The following GPHN variants were observed in gnomAD, a reference collection of about 807,000 sequenced individuals.
GPHN encodes gephyrin.
GPHN carries 17 observed loss-of-function variants against 95.5 expected under a neutral mutation model. That is an observed-to-expected ratio of 0.18 (90% CI 0.12 to 0.27). The LOEUF (loss-of-function observed/expected upper bound fraction) is 0.27, where lower values mean the gene tolerates loss of function less well. Among genes scored for constraint, GPHN ranks in the 10% least tolerant of loss-of-function variants. GPHN has a pLI of 1.00. For missense variants in GPHN, 660 were observed against 978.1 expected (o/e 0.67, Z 4.34); for synonymous variants, 320 against 322.5 (o/e 0.99, Z 0.08).
At chr14:67,699,589 CAA>C in the GPHN span, among the ~76,000 whole-genome samples, 44 of 50,808 alleles carry the variant, frequency 8.7e-4, no homozygotes, top group Middle Eastern at 0.011. Context: ...GACCCTATCT[CAA>C]AAAAAAAAAA....
intron 1 of GPHN, among the ~76,000 whole-genome samples, chr14:66,541,246 C>T (rs1310976478): frequency 1.3e-5 from 2 of 152,184 alleles, no homozygotes; most frequent in South Asian, 4.1e-4. Flanking sequence ...CTGCACCCAG[C>T]CTGAAATATC....
At chr14:67,448,313 T>C in the GPHN span, among the ~76,000 whole-genome samples, 18 of 151,914 alleles carry the variant, frequency 1.2e-4, 1 homozygote, top group Admixed American at 9.2e-4. Context: ...TAATTTTTTT[T>C]GTATTTTTAG....
intron 11 of GPHN, among the ~76,000 whole-genome samples, chr14:67,087,988 G>A (rs2076978919): frequency 6.6e-6 from 1 of 151,744 alleles, no homozygotes; most frequent in Non-Finnish European, 1.5e-5. Context: ...ATTCTTATTG[G>A]CACTAGTTCA....
chr14:67,198,929 A>G, the GPHN span: 2 of 699,876 alleles, frequency 2.9e-6, no homozygotes, highest in South Asian at 1.5e-5. Context: ...AAAGTCTAAC[A>G]CTAAACACTG....
At chr14:67,546,250 A>G in the GPHN span, among the ~76,000 whole-genome samples, 1 of 152,246 alleles carries the variant, frequency 6.6e-6, no homozygotes, top group Admixed American at 6.5e-5. Context: ...TATATCTGTC[A>G]TGGTCCATTT....
chr14:67,060,248 C>A (rs2075772188), intron 11 of GPHN, among the ~76,000 whole-genome samples: 1 of 150,658 alleles, frequency 6.6e-6, no homozygotes, highest in East Asian at 1.9e-4. Flanking sequence ...CATTTTTCCT[C>A]CAGAGAAAAA....
the GPHN span, among the ~76,000 whole-genome samples, chr14:67,493,673 A>G: frequency 1.3e-5 from 2 of 152,100 alleles, no homozygotes; most frequent in African/African-American, 4.8e-5. Flanking sequence ...CTGGCCAATC[A>G]CAGCACCACA....
the GPHN span, among the ~76,000 whole-genome samples, chr14:67,519,301 C>T: frequency 1.4e-4 from 22 of 152,148 alleles, no homozygotes; most frequent in African/African-American, 4.8e-4. Flanking sequence ...TCAGATGGCT[C>T]GCATATTTAA....
chr14:67,701,324 C>T, the GPHN span, among the ~76,000 whole-genome samples: 1 of 151,262 alleles, frequency 6.6e-6, no homozygotes, highest in East Asian at 1.9e-4. Context: ...CATAGAGGAC[C>T]AAAATCTCAA....
intron 2 of GPHN, among the ~76,000 whole-genome samples, chr14:66,696,399 T>G (rs550840079): frequency 6.2e-4 from 94 of 152,240 alleles, no homozygotes; most frequent in Non-Finnish European, 1.1e-3. Flanking sequence ...CTATTCCTCA[T>G]GCTAAGTACA....
At chr14:66,608,599 G>A (rs1465242191) in intron 1 of GPHN, among the ~76,000 whole-genome samples, 1 of 152,040 alleles carries the variant, frequency 6.6e-6, no homozygotes, top group Non-Finnish European at 1.5e-5. Flanking sequence ...ACATCTCCCA[G>A]TATTATTATG....
At chr14:67,608,111 G>A in the GPHN span, among the ~76,000 whole-genome samples, 1 of 151,970 alleles carries the variant, frequency 6.6e-6, no homozygotes, top group Admixed American at 6.6e-5. Context: ...AGGTGTTGTG[G>A]CACGTGCCTA....
chr14:66,841,712 A>C (rs1357364728), intron 4 of GPHN, among the ~76,000 whole-genome samples: 1 of 152,110 alleles, frequency 6.6e-6, no homozygotes, highest in Admixed American at 6.5e-5. Context: ...CTTCCTTTAG[A>C]TATCCAAGTG....
At chr14:67,144,251 A>AT (rs2080723679) in intron 18 of GPHN, among the ~76,000 whole-genome samples, 1 of 41,266 alleles carries the variant, frequency 2.4e-5, no homozygotes, top group East Asian at 7.2e-4. Flanking sequence ...AAAAAAAAAA[A>AT]TATATATATA....
the GPHN span, among the ~76,000 whole-genome samples, chr14:67,505,593 C>CT: frequency 6.6e-6 from 1 of 152,122 alleles, no homozygotes; most frequent in African/African-American, 2.4e-5. Flanking sequence ...AGCAGGTCTT[C>CT]TCTGAGATGG....
chr14:67,185,959 A>T (rs562430483), downstream of GPHN, among the ~76,000 whole-genome samples: 6 of 152,334 alleles, frequency 3.9e-5, no homozygotes, highest in East Asian at 1.2e-3. Flanking sequence ...AATGCATTGC[A>T]TTCTGACATG....
the GPHN span, among the ~76,000 whole-genome samples, chr14:67,200,829 A>T: frequency 6.6e-6 from 1 of 152,168 alleles, no homozygotes; most frequent in African/African-American, 2.4e-5. Context: ...CACTCTAATA[A>T]AATTACATAG....
intron 4 of GPHN, among the ~76,000 whole-genome samples, chr14:66,878,335 G>C (rs1257115740): frequency 6.6e-6 from 1 of 152,004 alleles, no homozygotes; most frequent in Non-Finnish European, 1.5e-5. Flanking sequence ...AACACAAAAA[G>C]CAATTGCAAC....
chr14:67,322,364 AAAC>A, the GPHN span, among the ~76,000 whole-genome samples: 1 of 152,046 alleles, frequency 6.6e-6, no homozygotes, highest in African/African-American at 2.4e-5. Flanking sequence ...AAAAACAAAA[AAAC>A]CTAATTTTAG....
Sources: gnomAD v4.1 joint callset for allele counts (sites outside exome capture counted in the v4.1 genomes callset) on GRCh38, gnomAD v4.1.1 for gene constraint, MANE v1.5 for transcripts, NCBI Gene and HGNC (gene_info 2026-07-23, HGNC 2026-07-21) for gene names.